MTUS1: variants seen among roughly 807,000 people sequenced by gnomAD.
MTUS1 encodes microtubule-associated tumor suppressor 1.
In MTUS1, 109 loss-of-function variants were observed where a neutral mutation model predicts 120.8. The observed-to-expected ratio is 0.90, with a 90% CI of 0.77 to 1.06. The LOEUF is 1.06. MTUS1 is among the 50% of genes least tolerant of loss of function. The pLI is 0.00. For missense variants in MTUS1, 2,210 were observed against 1,486.3 expected, an observed-to-expected ratio of 1.49 and a Z score of -8.01; for synonymous variants, 737 against 550.5, an observed-to-expected ratio of 1.34 and a Z score of -4.74.
At chr8:17,768,119 T>C (rs1326883676) in intron 1 of MTUS1, among the ~76,000 whole-genome samples, 2 of 152,236 alleles carry the variant, frequency 1.3e-5, no homozygotes, top group Non-Finnish European at 2.9e-5. Context: ...TACATTAATA[T>C]TTAAAGAAGG....
rs1337479814 is a variant in MTUS1 at position 17,656,181 on chromosome 8, G to A, written c.2906-116C>T. The A allele has an allele frequency of 3.4e-6, 3 of 883,022 alleles. No homozygotes were observed. In the Admixed American group the frequency reaches 6.4e-5, roughly 19 times the overall value. 54.7% of individuals were successfully genotyped at this position (883,022 alleles called of 1,614,324 possible). A position where few individuals can be genotyped will look rare whatever the true frequency, so the allele number is the denominator to read the frequency against. ...CTGAAGCATACACCCATGATGTCTT[G>A]GGTCTCTAGTGACCATGTCTTCAAA... On this transcript the variant is annotated intron_variant, in intron 8 of 14. Transcript: ENST00000693296.
chr8:17,763,716 G>A (rs961073604), intron 1 of MTUS1, among the ~76,000 whole-genome samples: 1 of 152,192 alleles, frequency 6.6e-6, no homozygotes, highest in Admixed American at 6.5e-5. Flanking sequence ...GGAAACACAA[G>A]TAACTGTGGC....
chr8:17,722,012 G>T, intron 4 of MTUS1: 1 of 1,415,026 alleles, frequency 7.1e-7, no homozygotes, highest in Non-Finnish European at 9.2e-7. Flanking sequence ...AAAAAAATGC[G>T]TAAGCTCCAA....
intron 1 of MTUS1, among the ~76,000 whole-genome samples, chr8:17,761,572 C>T (rs142445422): frequency 6.6e-6 from 1 of 152,278 alleles, no homozygotes; most frequent in Non-Finnish European, 1.5e-5. Context: ...GAGTAGATGT[C>T]TTCTATATCT....
chr8:17,681,273 T>G (rs955243987), intron 7 of MTUS1, among the ~76,000 whole-genome samples: 2 of 152,148 alleles, frequency 1.3e-5, no homozygotes, highest in East Asian at 3.8e-4. Context: ...ACTGAATCTA[T>G]GTAAATTAAA....
intron 1 of MTUS1, among the ~76,000 whole-genome samples, chr8:17,789,299 G>A (rs975937625): frequency 3.3e-5 from 5 of 152,114 alleles, no homozygotes; most frequent in African/African-American, 9.7e-5. Context: ...CCAAAGTGCT[G>A]GGATTACAGG....
At position 17,755,731 on chromosome 8, in the gene MTUS1, G is replaced by A. The variant is rs376698024; in HGVS notation, c.77C>T (p.Thr26Ile). 1 of 1,614,114 alleles carries A rather than the reference G, an allele frequency of 6.2e-7. No individual in the cohort carries two copies. Among genetic ancestry groups the A allele is most frequent in the Non-Finnish European group, 8.5e-7 (1 of 1,179,976 alleles). ...TFFTSDKDGNTHAYNPKSPPT... is the reference protein window; with the variant it reads ...TFFTSDKDGNIHAYNPKSPPT... ...TGGTGATTTCGGGTTGTATGCATGT[G>A]TATTTCCATCTTTATCACTGGTAAA... The change falls in exon 2 of 15, where the codon ACA becomes ATA. Residue 26 changes from threonine (T) to isoleucine (I), a missense_variant. Thr to Ile is a moderately conservative substitution (Grantham distance 89). Transcript: ENST00000693296.
chr8:17,694,324 A>C (rs1327824925), intron 6 of MTUS1, among the ~76,000 whole-genome samples: 2 of 152,190 alleles, frequency 1.3e-5, no homozygotes, highest in African/African-American at 4.8e-5. Flanking sequence ...GGAGTCTTAG[A>C]GTTTTCAACC....
rs376884759 is a variant in MTUS1 at position 17,755,127 on chromosome 8, G to C, written c.681C>G (p.Ser227Arg). The change falls in exon 2 of 15, where the codon AGC (serine) becomes AGG (arginine). Residue 227 changes from serine (S) to arginine (R), a missense_variant. Transcript: ENST00000693296. Reference protein sequence around the residue: ...HARETTYDRESFENPQVTPSE... With the variant: ...HARETTYDRERFENPQVTPSE... Reference sequence around the variant, plus strand: ...ATGGTGTGACTTGAGGGTTTTCAAAGCTTTCTCTATCATAAGTAGTTTCTC... The same window carrying C: ...ATGGTGTGACTTGAGGGTTTTCAAACCTTTCTCTATCATAAGTAGTTTCTC... 1.4e-5 allele frequency: 22 copies of C among 1,613,934 alleles called. No homozygotes were observed. The highest frequency in any genetic ancestry group is 1.7e-5 in the Non-Finnish European group (20 of 1,180,028).
chr8:17,653,723 T>G, intron 10 of MTUS1: 3 of 456,348 alleles, frequency 6.6e-6, no homozygotes, highest in South Asian at 6.5e-5. Flanking sequence ...TGAGGCCCAC[T>G]GAAGCCCACC....
intron 7 of MTUS1, among the ~76,000 whole-genome samples, chr8:17,675,474 T>C (rs1485993198): frequency 6.6e-6 from 1 of 152,208 alleles, no homozygotes; most frequent in Admixed American, 6.5e-5. Flanking sequence ...CAGTGAAACT[T>C]TGGTTTGACG....
intron 4 of MTUS1, among the ~76,000 whole-genome samples, chr8:17,718,972 C>T (rs1822872121): frequency 6.6e-6 from 1 of 151,776 alleles, no homozygotes; most frequent in Non-Finnish European, 1.5e-5. Context: ...GAGTTTGAGA[C>T]CAGCCTGGCC....
At position 17,684,393 on chromosome 8, in the gene MTUS1, G is replaced by A. The variant is rs1401388624; in HGVS notation, c.2773C>T (p.Leu925Phe). The A allele has an allele frequency of 1.2e-6, 2 of 1,614,086 alleles. No individual in the cohort carries two copies. The highest frequency in any genetic ancestry group is 2.2e-5 in the East Asian group (1 of 44,900). Residue 925 changes from leucine (L) to phenylalanine (F), a missense_variant, in exon 7 of 15, where the codon CTT becomes TTT. Coordinates refer to ENST00000693296, the MANE Select transcript of MTUS1 (RefSeq NM_001363059.2). The stretch of plus-strand genomic sequence containing the variant: ...AACTTGGTATTACCACAGGCAAGAA[G>A]CTGCTTGAGCTGCAGGATAAATCCA... ...QSGFILQLKQ[L>F]LACGNTKFEA...
intron 2 of MTUS1, among the ~76,000 whole-genome samples, chr8:17,749,299 T>C (rs117822150): frequency 6.6e-6 from 1 of 152,240 alleles, no homozygotes; most frequent in Non-Finnish European, 1.5e-5. Flanking sequence ...CACAGCTCCT[T>C]ATCTTAACCC....
chr8:17,698,207 C>A (rs2130887841), intron 6 of MTUS1, among the ~76,000 whole-genome samples: 1 of 152,276 alleles, frequency 6.6e-6, no homozygotes, highest in South Asian at 2.1e-4. Flanking sequence ...TAGGCATATT[C>A]TAAAGACTAC....
chr8:17,760,307 T>C (rs1393157368), intron 1 of MTUS1, among the ~76,000 whole-genome samples: 1 of 152,134 alleles, frequency 6.6e-6, no homozygotes, highest in Non-Finnish European at 1.5e-5. Context: ...TACTTAAGGA[T>C]TGTTTTTATA....
chr8:17,689,335 G>T (rs1231061340), intron 6 of MTUS1, among the ~76,000 whole-genome samples: 1 of 152,136 alleles, frequency 6.6e-6, no homozygotes, highest in Non-Finnish European at 1.5e-5. Flanking sequence ...AGAATTCGTT[G>T]CAATAGCTCA....
intron 4 of MTUS1, chr8:17,721,995 GAAAA>G: frequency 2.5e-6 from 3 of 1,208,884 alleles, no homozygotes; most frequent in East Asian, 3.0e-5. Flanking sequence ...CGAATGGAGG[GAAAA>G]AAAAAAAAAT....
chr8:17,788,364 T>C (rs1477724484), intron 1 of MTUS1, among the ~76,000 whole-genome samples: 2 of 152,208 alleles, frequency 1.3e-5, no homozygotes, highest in African/African-American at 4.8e-5. Context: ...TTCCGCATTC[T>C]TTTTCTGTAA....
Sources: allele counts gnomAD v4.1 joint callset (sites outside exome capture counted in the v4.1 genomes callset), GRCh38; gene constraint gnomAD v4.1.1; transcripts MANE v1.5; gene names NCBI Gene and HGNC (gene_info 2026-07-23, HGNC 2026-07-21).